SCAI: variants seen among roughly 807,000 people sequenced by gnomAD.
The protein encoded by SCAI is protein SCAI.
In SCAI, 24 loss-of-function variants were observed where a neutral mutation model predicts 92.2. The observed-to-expected ratio is 0.26, with a 90% CI of 0.19 to 0.37. The LOEUF (loss-of-function observed/expected upper bound fraction) is 0.37. Among genes scored for constraint, SCAI ranks in the 10% least tolerant of loss-of-function variants. The probability of loss-of-function intolerance (pLI) is 1.00; values close to 1 mark genes in which losing one functional copy is unlikely to be tolerated. For synonymous variants in SCAI, 261 were observed against 258.6 expected (o/e 1.01, Z -0.09); for missense variants, 450 against 736.2 (o/e 0.61, Z 4.50).
At chr9:125,046,314 T>TACAC (rs1424731417) in intron 3 of SCAI, among the ~76,000 whole-genome samples, 1 of 13,254 alleles carries the variant, frequency 7.5e-5, no homozygotes, top group African/African-American at 1.5e-4. Flanking sequence ...CTCATATATA[T>TACAC]ATACACACAC....
intron 1 of SCAI, among the ~76,000 whole-genome samples, chr9:125,143,062 C>T (rs1835706684): frequency 6.6e-6 from 1 of 151,262 alleles, no homozygotes; most frequent in Non-Finnish European, 1.5e-5. Context: ...GCCCCCTCCA[C>T]GCCCCGCCTC....
chr9:125,002,051 G>C lies in SCAI; in HGVS notation c.1066-8C>G. The C allele has an allele frequency of 6.2e-7, 1 of 1,601,094 alleles. No homozygotes were observed. Among genetic ancestry groups the C allele is most frequent in the Non-Finnish European group, 8.6e-7 (1 of 1,168,042 alleles). ...GCTATTGGCAGGCAGCTCCTGAAAT[G>C]AAAGAAAATCACATACACAAAACAA... On this transcript the variant is annotated splice_region_variant and splice_polypyrimidine_tract_variant and intron_variant, in intron 11 of 17. Transcript: ENST00000336505.
intron 3 of SCAI, among the ~76,000 whole-genome samples, chr9:125,053,855 G>A (rs752197852): frequency 2.0e-5 from 3 of 152,146 alleles, no homozygotes; most frequent in Admixed American, 6.5e-5. Flanking sequence ...AATGGGGTCC[G>A]AGCTATTATA....
At chr9:125,008,764 G>C (rs1832568475) in intron 9 of SCAI, among the ~76,000 whole-genome samples, 2 of 152,118 alleles carry the variant, frequency 1.3e-5, no homozygotes, top group Non-Finnish European at 2.9e-5. Flanking sequence ...GTGGAGCAGA[G>C]AAAGAACAGA....
chr9:125,118,790 A>G (rs1835103237), intron 2 of SCAI, among the ~76,000 whole-genome samples: 1 of 152,070 alleles, frequency 6.6e-6, no homozygotes, highest in Admixed American at 6.6e-5. Flanking sequence ...TATGAGTGAG[A>G]ACATGCAGTG....
chr9:125,100,762 A>G (rs1270185250), intron 2 of SCAI, among the ~76,000 whole-genome samples: 1 of 152,206 alleles, frequency 6.6e-6, no homozygotes, highest in Non-Finnish European at 1.5e-5. Flanking sequence ...GCTGATCACA[A>G]AAGACCTCAC....
At chr9:125,010,494 T>C (rs1832613257) in intron 9 of SCAI, among the ~76,000 whole-genome samples, 1 of 152,204 alleles carries the variant, frequency 6.6e-6, no homozygotes, top group South Asian at 2.1e-4. Context: ...TACCCGCCAT[T>C]GCCCAGGCTT....
chr9:125,099,662 T>C (rs1834638755), intron 2 of SCAI, among the ~76,000 whole-genome samples: 1 of 152,222 alleles, frequency 6.6e-6, no homozygotes, highest in South Asian at 2.1e-4. Flanking sequence ...TGGCTGGCCT[T>C]GAACATTCCA....
At chr9:124,996,257 A>T (rs1327268634) in intron 13 of SCAI, among the ~76,000 whole-genome samples, 1 of 151,972 alleles carries the variant, frequency 6.6e-6, no homozygotes, top group Non-Finnish European at 1.5e-5. Context: ...CAGAGAGGAC[A>T]CATAAGCTTT....
At chr9:125,046,264 C>A (rs10986528) in intron 3 of SCAI, among the ~76,000 whole-genome samples, 20 of 112,360 alleles carry the variant, frequency 1.8e-4, no homozygotes, top group Admixed American at 2.7e-4. Context: ...CACATATATA[C>A]ACACACACAT....
chr9:125,010,021 T>C (rs996736928), intron 9 of SCAI, among the ~76,000 whole-genome samples: 7 of 152,192 alleles, frequency 4.6e-5, no homozygotes, highest in African/African-American at 1.7e-4. Flanking sequence ...GGTGAAACCC[T>C]GTCTCTACTA....
At chr9:124,991,351 C>CAAAAAAAAA (rs34976572) in intron 14 of SCAI, among the ~76,000 whole-genome samples, 2 of 40,244 alleles carry the variant, frequency 5.0e-5, no homozygotes, top group East Asian at 1.0e-3. Context: ...AACTCCGTCT[C>CAAAAAAAAA]AAAAAAAAAA....
intron 12 of SCAI, among the ~76,000 whole-genome samples, chr9:125,000,871 T>A (rs1832344278): frequency 6.6e-6 from 1 of 152,154 alleles, no homozygotes; most frequent in Admixed American, 6.5e-5. Flanking sequence ...ACTAAATTCA[T>A]ATGAATTAGC....
chr9:124,945,897 G>C lies in SCAI; in HGVS notation c.*6910C>G, dbSNP rs1350215349. The C allele has an allele frequency of 6.6e-6, 1 of 152,120 alleles. No homozygotes were observed. Among genetic ancestry groups the C allele is most frequent in the Non-Finnish European group, 1.5e-5 (1 of 68,032 alleles). 9.4% of individuals were successfully genotyped at this position (152,120 alleles called of 1,614,324 possible). On this transcript the variant is annotated 3_prime_UTR_variant, in exon 18 of 18. Coordinates refer to ENST00000336505, the MANE Select transcript of SCAI (RefSeq NM_001144877.3). Reference sequence around the variant, plus strand: ...TTAAGTGGTCCCATTATCCAGGAAAGACTGAGAGGTACAGCAAAAATAGTT... The same window carrying C: ...TTAAGTGGTCCCATTATCCAGGAAACACTGAGAGGTACAGCAAAAATAGTT...
intron 2 of SCAI, among the ~76,000 whole-genome samples, chr9:125,126,253 G>A (rs1037304150): frequency 2.0e-5 from 3 of 152,194 alleles, no homozygotes; most frequent in African/African-American, 7.2e-5. Context: ...TGTTGTGGTT[G>A]CTGGCAGGCC....
intron 2 of SCAI, among the ~76,000 whole-genome samples, chr9:125,120,681 A>G (rs977609800): frequency 6.6e-6 from 1 of 152,242 alleles, no homozygotes; most frequent in South Asian, 2.1e-4. Flanking sequence ...CAACAGAACA[A>G]GACTCCATCT....
At chr9:125,029,072 A>G (rs1213387185) in intron 4 of SCAI, among the ~76,000 whole-genome samples, 1 of 152,150 alleles carries the variant, frequency 6.6e-6, no homozygotes, top group African/African-American at 2.4e-5. Flanking sequence ...TGCTGGGATT[A>G]CAGACAGGAG....
chr9:125,080,866 G>C (rs779466273), intron 2 of SCAI, among the ~76,000 whole-genome samples: 2 of 152,212 alleles, frequency 1.3e-5, no homozygotes, highest in Non-Finnish European at 2.9e-5. Flanking sequence ...CGTGTTGTGG[G>C]AGGGACCCAG....
intron 2 of SCAI, among the ~76,000 whole-genome samples, chr9:125,087,353 A>G (rs1449014506): frequency 2.0e-5 from 3 of 152,230 alleles, no homozygotes; most frequent in Non-Finnish European, 2.9e-5. Flanking sequence ...ATCAGGCAGA[A>G]AGTTGGTAAG....
Sources: gnomAD v4.1 joint callset for allele counts (sites outside exome capture counted in the v4.1 genomes callset) on GRCh38, gnomAD v4.1.1 for gene constraint, MANE v1.5 for transcripts, NCBI Gene and HGNC (gene_info 2026-07-23, HGNC 2026-07-21) for gene names.